The following MAP3K7CL variants were observed in gnomAD, a reference collection of about 807,000 sequenced individuals.
MAP3K7CL encodes MAP3K7 C-terminal-like protein.
In MAP3K7CL, 16 loss-of-function variants were observed where a neutral mutation model predicts 18.6. That is an observed-to-expected ratio of 0.86 (90% confidence interval 0.58 to 1.31). The LOEUF is 1.31. Ranked by LOEUF, MAP3K7CL falls within the 50% of genes most tolerant of loss-of-function variation. The probability of loss-of-function intolerance (pLI) is 0.00; values close to 1 mark genes in which losing one functional copy is unlikely to be tolerated. For missense variants in MAP3K7CL, 163 were observed against 174.4 expected (o/e 0.93, Z 0.37); for synonymous variants, 65 against 66.8 (o/e 0.97, Z 0.13).
At chr21:29,087,783 C>T (rs898364245) in intron 1 of MAP3K7CL, among the ~76,000 whole-genome samples, 23 of 151,842 alleles carry the variant, frequency 1.5e-4, no homozygotes, top group African/African-American at 3.6e-4. Flanking sequence ...TTAGTAGAGA[C>T]GGGGTTTCAC....
intron 4 of MAP3K7CL, among the ~76,000 whole-genome samples, chr21:29,105,545 A>C (rs2086305968): frequency 6.6e-6 from 1 of 152,118 alleles, no homozygotes; most frequent in African/African-American, 2.4e-5. Context: ...TTGAGGAAGG[A>C]GTGTGTAATT....
intron 3 of MAP3K7CL, among the ~76,000 whole-genome samples, chr21:29,151,653 A>G (rs2087278445): frequency 6.6e-6 from 1 of 152,190 alleles, no homozygotes; most frequent in African/African-American, 2.4e-5. Flanking sequence ...TAAAACACTA[A>G]AAGCATATTC....
intron 1 of MAP3K7CL, chr21:29,080,751 A>G (rs2085822540): frequency 6.6e-6 from 1 of 151,862 alleles, no homozygotes; most frequent in Non-Finnish European, 1.5e-5. Flanking sequence ...CCAGAAGCCC[A>G]TTTTAGAGCT....
chr21:29,098,121 A>G (rs2086155870), intron 4 of MAP3K7CL, among the ~76,000 whole-genome samples: 1 of 152,256 alleles, frequency 6.6e-6, no homozygotes, highest in Non-Finnish European at 1.5e-5. Context: ...ATACTGGACA[A>G]TAACCATCTA....
upstream of MAP3K7CL, among the ~76,000 whole-genome samples, chr21:29,081,020 C>T (rs553656009): frequency 1.3e-5 from 2 of 152,112 alleles, no homozygotes; most frequent in Non-Finnish European, 2.9e-5. Context: ...TATTGTGGCT[C>T]GCCCAGACTT....
At chr21:29,096,712 T>C (rs570407898) in intron 4 of MAP3K7CL, among the ~76,000 whole-genome samples, 15 of 152,310 alleles carry the variant, frequency 9.8e-5, no homozygotes, top group African/African-American at 3.1e-4. Context: ...GAAGCTTATG[T>C]ATAAAAGAGA....
chr21:29,109,472 G>A (rs747730185), intron 4 of MAP3K7CL: 30 of 1,151,658 alleles, frequency 2.6e-5, no homozygotes, highest in Middle Eastern at 3.7e-4. Context: ...CTCAGCATTC[G>A]GTTGTTCTCT....
intron 4 of MAP3K7CL, among the ~76,000 whole-genome samples, chr21:29,173,661 T>C (rs2087896105): frequency 6.6e-6 from 1 of 152,086 alleles, no homozygotes; most frequent in Non-Finnish European, 1.5e-5. Flanking sequence ...TGGGTTATCA[T>C]GTTTATTAAA....
At chr21:29,091,383 G>T in intron 1 of MAP3K7CL, 7 of 507,084 alleles carry the variant, frequency 1.4e-5, no homozygotes, top group Middle Eastern at 5.3e-4. Flanking sequence ...TGATTTTTAA[G>T]TCACTCTAGT....
intron 1 of MAP3K7CL, among the ~76,000 whole-genome samples, chr21:29,086,617 A>C (rs899527504): frequency 2.6e-5 from 4 of 152,200 alleles, no homozygotes; most frequent in Admixed American, 1.3e-4. Context: ...TTTCATTGAT[A>C]ATAAAGCTGA....
intron 3 of MAP3K7CL, among the ~76,000 whole-genome samples, chr21:29,152,824 G>A (rs552124104): frequency 8.5e-5 from 13 of 152,178 alleles, no homozygotes; most frequent in African/African-American, 3.1e-4. Flanking sequence ...TTTCCCTTAC[G>A]CTTTTTAAGG....
chr21:29,091,812 T>C (rs1436570901), intron 3 of MAP3K7CL: 3 of 694,346 alleles, frequency 4.3e-6, no homozygotes, highest in Non-Finnish European at 7.9e-6. Flanking sequence ...TGATAGTAAC[T>C]CCCATCTGCT....
rs765245612 is a variant in MAP3K7CL, at chr21:29,130,786, G to A, written c.-177G>A. On this transcript the variant is annotated 5_prime_UTR_variant, in exon 1 of 5. Transcript: ENST00000399928. ...GCGTGCTGCCCTGACAGCTGTCTCC[G>A]CTCCTCAGATTGTCAGTGGCTGCTA... 1.9e-4 allele frequency: 186 copies of A among 985,434 alleles called. No individual in the cohort carries two copies. Among genetic ancestry groups the A allele is most frequent in the Non-Finnish European group, 2.2e-4 (182 of 830,010 alleles). 61.0% of individuals were successfully genotyped at this position (985,434 alleles called of 1,614,324 possible). A position where few individuals can be genotyped will look rare whatever the true frequency, so the allele number is the denominator to read the frequency against.
intron 2 of MAP3K7CL, among the ~76,000 whole-genome samples, chr21:29,136,053 T>TTGG (rs2086878141): frequency 6.6e-6 from 1 of 152,124 alleles, no homozygotes; most frequent in Admixed American, 6.6e-5. Flanking sequence ...CCCACTCCTA[T>TTGG]ATATTCTGAT....
chr21:29,095,387 G>T (rs1181617426), intron 4 of MAP3K7CL, among the ~76,000 whole-genome samples: 1 of 152,066 alleles, frequency 6.6e-6, no homozygotes, highest in African/African-American at 2.4e-5. Context: ...CATTTTTCTT[G>T]CCTGTTCTGC....
At chr21:29,085,463 A>C (rs1053369080), upstream of MAP3K7CL, among the ~76,000 whole-genome samples, 10 of 141,230 alleles carry the variant, frequency 7.1e-5, no homozygotes, top group African/African-American at 2.1e-4. Flanking sequence ...AGGAGAATGG[A>C]GTGAACCCGG....
At chr21:29,127,929 C>A (rs1414321866), upstream of MAP3K7CL, 1 of 152,202 alleles carries the variant, frequency 6.6e-6, no homozygotes, top group Non-Finnish European at 1.5e-5. Context: ...CTGTATGGTT[C>A]TTTGAGAGCC....
At chr21:29,163,502 A>G (rs988465049) in intron 4 of MAP3K7CL, among the ~76,000 whole-genome samples, 10 of 152,142 alleles carry the variant, frequency 6.6e-5, no homozygotes, top group Non-Finnish European at 1.2e-4. Context: ...TTGCTAGAAA[A>G]TGACAGCCAG....
At chr21:29,094,075 A>G (rs961570648) in intron 4 of MAP3K7CL, among the ~76,000 whole-genome samples, 2 of 152,254 alleles carry the variant, frequency 1.3e-5, no homozygotes, top group Non-Finnish European at 2.9e-5. Flanking sequence ...TCTAGGTCAT[A>G]GTAATTACTC....
Sources: allele counts gnomAD v4.1 joint callset (sites outside exome capture counted in the v4.1 genomes callset), GRCh38; gene constraint gnomAD v4.1.1; transcripts MANE v1.5; gene names NCBI Gene and HGNC (gene_info 2026-07-23, HGNC 2026-07-21).